Variants in CMIP observed in about 807,000 individuals in gnomAD.
CMIP encodes the protein C-Maf-inducing protein.
In CMIP, 13 loss-of-function variants were observed where a neutral mutation model predicts 97.3. The observed-to-expected ratio is 0.13, with a 90% CI of 0.09 to 0.21. The LOEUF (loss-of-function observed/expected upper bound fraction) is 0.21, where lower values mean the gene tolerates loss of function less well. Among genes scored for constraint, CMIP ranks in the 10% least tolerant of loss-of-function variants. The pLI, the probability that CMIP is intolerant of heterozygous loss-of-function variation, is 1.00. For missense variants in CMIP, 847 were observed against 1,024.9 expected (o/e 0.83, Z 2.37); for synonymous variants, 538 against 436.3 (o/e 1.23, Z -2.91).
chr16:81,586,929 G>T (rs151189449), intron 1 of CMIP, among the ~76,000 whole-genome samples: 2 of 152,218 alleles, frequency 1.3e-5, no homozygotes, highest in East Asian at 1.9e-4. Context: ...AGGAGAGCTC[G>T]CTGGATTCAA....
intron 3 of CMIP, among the ~76,000 whole-genome samples, chr16:81,629,189 C>G (rs1278172506): frequency 3.7e-5 from 5 of 136,676 alleles, no homozygotes; most frequent in Non-Finnish European, 7.8e-5. Context: ...TGACGTCTGA[C>G]TAGGCAGGCC....
In CMIP at chr16:81,698,761, T is replaced by A. The variant is rs553704225; in HGVS notation, c.1639-924T>A. Among the ~76,000 whole-genome samples the A allele has an allele frequency of 2.2e-3, 335 of 152,208 alleles. 1 individual carries two copies. Among genetic ancestry groups the A allele is most frequent in the Non-Finnish European group, 1.6e-3 (112 of 68,010 alleles). ...AACTCAGCATCCATTACACACTGAC[T>A]CCCCCTTCCTCCCGGCCTCAGTCCC... On this transcript the variant is annotated intron_variant, in intron 14 of 20. Transcript: ENST00000537098.
At chr16:81,514,021 T>TA (rs200364221) in intron 1 of CMIP, among the ~76,000 whole-genome samples, 30,320 of 145,934 alleles carry the variant, frequency 0.21, 3,692 homozygotes, top group Admixed American at 0.33. Flanking sequence ...GCTGCTAGTT[T>TA]AAAAGAAAAA....
At position 81,614,800 on chromosome 16, in the gene CMIP, ATG is replaced by A. The variant is rs1006711004; in HGVS notation, c.427-6070_427-6069del. Among the ~76,000 whole-genome samples, 2 of 146,272 alleles carry A rather than the reference ATG, an allele frequency of 1.4e-5. No individual in the cohort carries two copies. Among genetic ancestry groups the A allele is most frequent in the African/African-American group, 2.6e-5 (1 of 39,170 alleles). On this transcript the variant is annotated intron_variant, in intron 2 of 20. Transcript: ENST00000537098. The surrounding 1 kb of genome is among the most constrained non-coding windows in gnomAD (Gnocchi z 5.3). Reference sequence around the variant, plus strand: ...GTATGTGTGCATGTGTGTGCCTGATATGTGTGTTTATATGTGGTATGTATATG... The same window carrying A: ...GTATGTGTGCATGTGTGTGCCTGATATGTGTTTATATGTGGTATGTATATG...
chr16:81,634,649 A>G (rs148539244), intron 3 of CMIP, among the ~76,000 whole-genome samples: 254 of 152,334 alleles, frequency 1.7e-3, no homozygotes, highest in African/African-American at 5.8e-3. Flanking sequence ...GCCTTCTCCT[A>G]TATTCAAGCA....
At position 81,691,602 on chromosome 16, in the gene CMIP, C is replaced by T. The variant is rs964586024; in HGVS notation, c.1389-173C>T. 19 of 641,940 alleles carry T rather than the reference C, an allele frequency of 3.0e-5. No individual in the cohort carries two copies. The East Asian group carries it at 5.2e-4, about 18-fold the overall frequency. The allele number at this position is 641,940 out of a possible 1,614,324, so 39.8% of individuals were successfully genotyped here. On this transcript the variant is annotated intron_variant, in intron 10 of 20. Transcript: ENST00000537098. ...AGGCCCAGTTGTGAGTCCTTGAGGCCACGCTGAGAACATTGACTTGCTCAT... is the reference window on the plus strand; with the variant it reads ...AGGCCCAGTTGTGAGTCCTTGAGGCTACGCTGAGAACATTGACTTGCTCAT...
intron 1 of CMIP, 27 bp from the exon 2 acceptor site, chr16:81,607,540 T>G: frequency 6.2e-7 from 1 of 1,611,916 alleles, no homozygotes; most frequent in Non-Finnish European, 8.5e-7. Flanking sequence ...CCAATGCATA[T>G]CTCTTCTTTT....
chr16:81,648,149 T>A lies in CMIP; in HGVS notation c.478-4054T>A, dbSNP rs375836031. On this transcript the variant is annotated intron_variant, in intron 3 of 20. Transcript: ENST00000537098. ...TGTCACCAAGCATTCTTGACACTTC[T>A]TCAGGATCTCTTGGCAAATCTGATA... 1.7e-4 allele frequency among the ~76,000 whole-genome samples: 25 copies of A among 147,662 alleles called. No homozygotes were observed. The South Asian group carries it at 5.5e-3, about 32-fold the overall frequency.
intron 13 of CMIP, chr16:81,695,404 A>G (rs986785496): frequency 3.9e-5 from 6 of 152,258 alleles, no homozygotes; most frequent in Admixed American, 6.5e-5. Context: ...CTTCCAGCTC[A>G]GAGGGAAAAA....
chr16:81,535,302 C>G (rs900372872), intron 1 of CMIP, among the ~76,000 whole-genome samples: 1 of 152,044 alleles, frequency 6.6e-6, no homozygotes, highest in East Asian at 1.9e-4. Context: ...AACTGAGGCA[C>G]CAGAGAGGTC....
intron 1 of CMIP, among the ~76,000 whole-genome samples, chr16:81,503,490 A>G (rs978467165): frequency 6.6e-6 from 1 of 152,062 alleles, no homozygotes; most frequent in Non-Finnish European, 1.5e-5. Flanking sequence ...TTGACCCCCC[A>G]GGCTCAAGCC....
At chr16:81,587,961 C>T (rs1326257721) in intron 1 of CMIP, among the ~76,000 whole-genome samples, 9 of 152,202 alleles carry the variant, frequency 5.9e-5, no homozygotes, top group Non-Finnish European at 1.3e-4. Context: ...CCCAGGCCAG[C>T]GCTGAGGCAG....
chr16:81,644,887 C>A (rs1457860352), intron 3 of CMIP, among the ~76,000 whole-genome samples: 1 of 152,174 alleles, frequency 6.6e-6, no homozygotes, highest in East Asian at 1.9e-4. Context: ...TTTCCTCGGG[C>A]CGAACGCAGT....
At chr16:81,618,184 G>A (rs576035336) in intron 2 of CMIP, among the ~76,000 whole-genome samples, 4 of 152,158 alleles carry the variant, frequency 2.6e-5, no homozygotes, top group Non-Finnish European at 4.4e-5. Flanking sequence ...GAGGTCCGAA[G>A]TCCAACACAG....
intron 1 of CMIP, among the ~76,000 whole-genome samples, chr16:81,545,829 C>G (rs1173158926): frequency 6.6e-6 from 1 of 152,220 alleles, no homozygotes; most frequent in African/African-American, 2.4e-5. Flanking sequence ...GGATTTTCCA[C>G]ACACAGTACA....
At position 81,516,824 on chromosome 16, in the gene CMIP, A is replaced by G. The variant is rs141793379; in HGVS notation, c.300+71283A>G. Among the ~76,000 whole-genome samples the G allele has an allele frequency of 3.3e-5, 5 of 152,330 alleles. No individual in the cohort carries two copies. The East Asian group carries it at 9.6e-4, about 29-fold the overall frequency. The stretch of plus-strand genomic sequence containing the variant: ...CTCATGTTTGCATAGACACATACCC[A>G]AGTATGTGTCAGGTAGCATAGTGAA... On this transcript the variant is annotated intron_variant, in intron 1 of 20. Transcript: ENST00000537098.
chr16:81,701,887 C>G (rs1397312234), intron 16 of CMIP, 87 bp downstream of exon 16: 2 of 1,500,032 alleles, frequency 1.3e-6, no homozygotes, highest in East Asian at 4.5e-5. Context: ...GTACTTGGAC[C>G]TGAGTGGACC....
At chr16:81,535,141 G>A (rs1046257498) in intron 1 of CMIP, among the ~76,000 whole-genome samples, 2 of 152,070 alleles carry the variant, frequency 1.3e-5, no homozygotes, top group East Asian at 1.9e-4. Context: ...TAGTAGAGAC[G>A]GGGTTTCACT....
chr16:81,657,260 C>G (rs1314467150), intron 4 of CMIP, among the ~76,000 whole-genome samples: 3 of 152,096 alleles, frequency 2.0e-5, no homozygotes, highest in Non-Finnish European at 4.4e-5. Flanking sequence ...CATCTCGGGC[C>G]CACTCACGGA....
Sources: allele counts gnomAD v4.1 joint callset (sites outside exome capture counted in the v4.1 genomes callset), GRCh38; gene constraint gnomAD v4.1.1; non-coding constraint Gnocchi (gnomAD v3.1); transcripts MANE v1.5; gene names NCBI Gene and HGNC (gene_info 2026-07-23, HGNC 2026-07-21).